ATG10: variants seen among roughly 807,000 people sequenced by gnomAD.
ATG10 encodes the protein autophagy related 10.
ATG10 carries 30 observed loss-of-function variants against 32.1 expected under a neutral mutation model. The ratio of observed to expected loss-of-function variants is 0.94; its 90% CI spans 0.70 to 1.27. ATG10 has a LOEUF of 1.27. Ranked by LOEUF, ATG10 falls within the 50% of genes most tolerant of loss-of-function variation. The probability of loss-of-function intolerance (pLI) is 0.00; values close to 1 mark genes in which losing one functional copy is unlikely to be tolerated. For missense variants in ATG10, 233 were observed against 262.3 expected, an observed-to-expected ratio of 0.89 and a Z score of 0.77; for synonymous variants, 87 against 91.5, an observed-to-expected ratio of 0.95 and a Z score of 0.28.
At chr5:82,242,988 T>C (rs1169250209) in intron 5 of ATG10, 1 of 328,766 alleles carries the variant, frequency 3.0e-6, no homozygotes, top group Non-Finnish European at 5.9e-6. Flanking sequence ...ACAGCGGAAA[T>C]ACTAGACAAC....
chr5:82,081,352 C>A, intron 3 of ATG10, among the ~76,000 whole-genome samples: 1 of 152,190 alleles, frequency 6.6e-6, no homozygotes, highest in East Asian at 1.9e-4. Flanking sequence ...CCCTTTATTT[C>A]TTTCTCTTGC....
intron 5 of ATG10, among the ~76,000 whole-genome samples, chr5:82,192,295 T>C (rs1042508120): frequency 9.2e-5 from 14 of 152,180 alleles, no homozygotes; most frequent in Non-Finnish European, 2.1e-4. Flanking sequence ...TTCTGCAGGA[T>C]TGCTTCAGGA....
chr5:82,072,043 G>A (rs566104989), intron 3 of ATG10, among the ~76,000 whole-genome samples: 1 of 152,262 alleles, frequency 6.6e-6, no homozygotes, highest in African/African-American at 2.4e-5. Context: ...GGGATAAAGT[G>A]AGGAGGATCC....
intron 3 of ATG10, among the ~76,000 whole-genome samples, chr5:82,159,553 C>T (rs1743222862): frequency 6.6e-6 from 1 of 152,016 alleles, no homozygotes; most frequent in Admixed American, 6.6e-5. Flanking sequence ...ACTTTTTTAT[C>T]TTAATTTTTT....
chr5:82,234,025 G>A (rs72778514), intron 5 of ATG10, among the ~76,000 whole-genome samples: 9,391 of 152,148 alleles, frequency 0.062, 370 homozygotes, highest in Non-Finnish European at 0.088. Flanking sequence ...GGGCTTCCAG[G>A]GGCACAGATT....
intron 5 of ATG10, among the ~76,000 whole-genome samples, chr5:82,242,040 G>A (rs1012388776): frequency 4.0e-5 from 6 of 151,898 alleles, no homozygotes; most frequent in African/African-American, 7.3e-5. Context: ...AATTCATAAC[G>A]AGCCATTATG....
At chr5:82,222,658 G>C (rs1018914057) in intron 5 of ATG10, among the ~76,000 whole-genome samples, 2 of 152,166 alleles carry the variant, frequency 1.3e-5, no homozygotes, top group Non-Finnish European at 2.9e-5. Flanking sequence ...ATCATCATTT[G>C]GTGGGCCATC....
chr5:82,003,722 A>G (rs1476063155), intron 2 of ATG10, among the ~76,000 whole-genome samples: 1 of 152,268 alleles, frequency 6.6e-6, no homozygotes, highest in Non-Finnish European at 1.5e-5. Flanking sequence ...TGGTATGAAC[A>G]TTGGTAATCA....
At chr5:82,239,296 A>T (rs566788690) in intron 5 of ATG10, among the ~76,000 whole-genome samples, 1 of 152,336 alleles carries the variant, frequency 6.6e-6, no homozygotes, top group South Asian at 2.1e-4. Context: ...ACTTTGGCAC[A>T]TTAGGCTGTC....
At chr5:82,206,306 T>G (rs967761659) in intron 5 of ATG10, among the ~76,000 whole-genome samples, 1 of 152,016 alleles carries the variant, frequency 6.6e-6, no homozygotes, top group Non-Finnish European at 1.5e-5. Context: ...GAAGAGGGAT[T>G]GGAAGGTATT....
chr5:82,137,832 C>T (rs1164715841), intron 3 of ATG10, among the ~76,000 whole-genome samples: 2 of 152,184 alleles, frequency 1.3e-5, no homozygotes, highest in Admixed American at 6.5e-5. Flanking sequence ...CCTCTTCCCC[C>T]AGGTGTTCTG....
At chr5:82,050,245 C>A (rs1763369245) in intron 2 of ATG10, among the ~76,000 whole-genome samples, 1 of 151,858 alleles carries the variant, frequency 6.6e-6, no homozygotes, top group South Asian at 2.1e-4. Context: ...TTAATGGAAC[C>A]CCTATTGATG....
intron 3 of ATG10, among the ~76,000 whole-genome samples, chr5:82,137,391 G>A (rs757109159): frequency 5.3e-5 from 8 of 152,190 alleles, no homozygotes; most frequent in South Asian, 2.1e-4. Context: ...TTCAAATGTC[G>A]TTTTTGCATG....
intron 3 of ATG10, among the ~76,000 whole-genome samples, chr5:82,117,343 C>T (rs1199401462): frequency 1.3e-5 from 2 of 152,024 alleles, no homozygotes; most frequent in Non-Finnish European, 2.9e-5. Context: ...GATTAGATTT[C>T]CTAGTATATT....
chr5:82,026,151 C>T lies in ATG10; in HGVS notation c.109-32344C>T, dbSNP rs1233341991. Among the ~76,000 whole-genome samples, 3 of 152,156 alleles carry T rather than the reference C, an allele frequency of 2.0e-5. No homozygotes were observed. The East Asian group carries it at 5.8e-4, about 29-fold the overall frequency. ...AAACAACTACTCCTCATTCCCATTT[C>T]CTCCAGCCCCTGGCAACCACCATTC... On this transcript the variant is annotated intron_variant, in intron 2 of 7. Transcript: ENST00000282185.
chr5:82,108,824 A>G (rs1765521643), intron 3 of ATG10, among the ~76,000 whole-genome samples: 1 of 152,030 alleles, frequency 6.6e-6, no homozygotes, highest in South Asian at 2.1e-4. Flanking sequence ...GGAAGCAGGA[A>G]TGGTGTTGCC....
At chr5:82,049,431 G>C (rs1456341911) in intron 2 of ATG10, among the ~76,000 whole-genome samples, 11 of 151,278 alleles carry the variant, frequency 7.3e-5, no homozygotes, top group Admixed American at 1.3e-4. Flanking sequence ...GGAAAGCACT[G>C]GGAGATATAC....
chr5:82,040,598 T>C (rs1220695720), intron 2 of ATG10, among the ~76,000 whole-genome samples: 1 of 152,244 alleles, frequency 6.6e-6, no homozygotes, highest in Non-Finnish European at 1.5e-5. Context: ...CAAAGTTGTA[T>C]TTATAGTATG....
intron 2 of ATG10, among the ~76,000 whole-genome samples, chr5:82,035,529 A>G (rs1244932297): frequency 6.6e-6 from 1 of 152,136 alleles, no homozygotes; most frequent in Admixed American, 6.5e-5. Context: ...TATGCTCTAT[A>G]AAATTGGATA....
Sources: gnomAD v4.1 joint callset for allele counts (sites outside exome capture counted in the v4.1 genomes callset) on GRCh38, gnomAD v4.1.1 for gene constraint, MANE v1.5 for transcripts, NCBI Gene and HGNC (gene_info 2026-07-23, HGNC 2026-07-21) for gene names.